KCNH5: variants seen among roughly 807,000 people sequenced by gnomAD.
KCNH5 encodes potassium voltage-gated channel subfamily H member 5.
KCNH5 carries 46 observed loss-of-function variants against 96.1 expected under a neutral mutation model. The observed-to-expected ratio is 0.48, with a 90% confidence interval of 0.38 to 0.61. The LOEUF (loss-of-function observed/expected upper bound fraction) is 0.61, where lower values mean the gene tolerates loss of function less well. KCNH5 is among the 20% of genes least tolerant of loss of function. The pLI is 0.00. For missense variants in KCNH5, 907 were observed against 1,225.8 expected (o/e 0.74, Z 3.88); for synonymous variants, 439 against 449.8 (o/e 0.98, Z 0.30).
At chr14:62,734,476 C>G (rs1885115189) in intron 10 of KCNH5, among the ~76,000 whole-genome samples, 1 of 152,100 alleles carries the variant, frequency 6.6e-6, no homozygotes. Context: ...AGGTCTGCAT[C>G]TCTCCCTAAG....
chr14:62,736,580 C>G (rs955785796), intron 10 of KCNH5, among the ~76,000 whole-genome samples: 7 of 152,068 alleles, frequency 4.6e-5, no homozygotes, highest in Admixed American at 1.3e-4. Flanking sequence ...GATAATGCCC[C>G]GCAGGCCGGA....
At chr14:62,754,992 A>C (rs548200563) in intron 10 of KCNH5, among the ~76,000 whole-genome samples, 3 of 104,506 alleles carry the variant, frequency 2.9e-5, no homozygotes, top group Non-Finnish European at 6.7e-5. Context: ...ATAAGTGCCT[A>C]CATCAAAAAA....
At chr14:62,917,245 C>T (rs1001244404) in intron 7 of KCNH5, among the ~76,000 whole-genome samples, 3 of 151,904 alleles carry the variant, frequency 2.0e-5, no homozygotes, top group Non-Finnish European at 4.4e-5. Context: ...TTTATTTTTA[C>T]GAGACTGAGC....
intron 7 of KCNH5, among the ~76,000 whole-genome samples, chr14:62,865,944 A>AG (rs1888126817): frequency 1.3e-5 from 2 of 152,206 alleles, no homozygotes; most frequent in Non-Finnish European, 2.9e-5. Context: ...GGATCTTTTA[A>AG]AGAGCAATCA....
chr14:62,802,503 C>G lies in KCNH5; in HGVS notation c.1648G>C (p.Ala550Pro). Residue 550 changes from alanine to proline, a missense_variant, in exon 9 of 11, where the codon GCT (alanine) becomes CCT (proline). Ala to Pro is a conservative substitution (Grantham distance 27). Coordinates refer to ENST00000322893, the MANE Select transcript of KCNH5 (RefSeq NM_139318.5). ...CACCCATCGCTGGCCAATCGAAAAG[C>G]AGGATGTTCATTAAAAACCTTCCGG... is the stretch of plus-strand genomic sequence containing the variant. ...LNRKVFNEHP[A>P]FRLASDGCLR... 1 of 1,614,116 alleles carries G rather than the reference C, an allele frequency of 6.2e-7. No homozygotes were observed. Among genetic ancestry groups the G allele is most frequent in the African/African-American group, 1.3e-5 (1 of 75,044 alleles).
At chr14:62,959,191 C>T (rs1410992931) in intron 6 of KCNH5, among the ~76,000 whole-genome samples, 1 of 152,064 alleles carries the variant, frequency 6.6e-6, no homozygotes, top group African/African-American at 2.4e-5. Context: ...CCCCCATTTA[C>T]CCACAACTCG....
intron 10 of KCNH5, among the ~76,000 whole-genome samples, chr14:62,740,517 C>T (rs1036015694): frequency 1.5e-4 from 23 of 152,180 alleles, no homozygotes; most frequent in Non-Finnish European, 2.2e-4. Flanking sequence ...TTTCTTTTCA[C>T]GGCACTCCGA....
chr14:62,743,307 G>A (rs974549597), intron 10 of KCNH5, among the ~76,000 whole-genome samples: 1 of 152,122 alleles, frequency 6.6e-6, no homozygotes, highest in African/African-American at 2.4e-5. Context: ...TAAGTTCCCT[G>A]GGTAATTCTA....
At chr14:62,709,980 AC>A (rs1884533849) in intron 10 of KCNH5, among the ~76,000 whole-genome samples, 1 of 152,194 alleles carries the variant, frequency 6.6e-6, no homozygotes, top group Non-Finnish European at 1.5e-5. Flanking sequence ...CATGTGAAGC[AC>A]GTGTTCTCTA....
At chr14:62,876,710 G>T (rs188734092) in intron 7 of KCNH5, among the ~76,000 whole-genome samples, 79 of 152,182 alleles carry the variant, frequency 5.2e-4, no homozygotes, top group African/African-American at 1.8e-3. Flanking sequence ...AAGACAACAG[G>T]GTATTGCCAT....
intron 10 of KCNH5, among the ~76,000 whole-genome samples, chr14:62,749,762 T>C (rs921862139): frequency 9.8e-5 from 15 of 152,340 alleles, no homozygotes; most frequent in African/African-American, 3.6e-4. Flanking sequence ...GTTTCTGATG[T>C]CTCTTGGCAC....
chr14:62,980,334 C>A (rs192353138), intron 6 of KCNH5, among the ~76,000 whole-genome samples: 1 of 152,128 alleles, frequency 6.6e-6, no homozygotes, highest in Non-Finnish European at 1.5e-5. Context: ...GGCAAAAATT[C>A]AAGAATTGCT....
At chr14:62,835,385 G>A (rs887251871) in intron 8 of KCNH5, among the ~76,000 whole-genome samples, 2 of 151,972 alleles carry the variant, frequency 1.3e-5, no homozygotes, top group African/African-American at 4.8e-5. Context: ...TCTTAAAATT[G>A]TAATGACCCA....
intron 7 of KCNH5, among the ~76,000 whole-genome samples, chr14:62,939,807 G>A (rs1566715415): frequency 6.6e-6 from 1 of 151,994 alleles, no homozygotes; most frequent in Non-Finnish European, 1.5e-5. Context: ...AGACGTGGTG[G>A]TGCATGCCCG....
chr14:63,027,479 GA>G (rs11399195), intron 1 of KCNH5, among the ~76,000 whole-genome samples: 146 of 126,510 alleles, frequency 1.2e-3, no homozygotes, highest in African/African-American at 2.6e-3. Context: ...AAGTTGGTTT[GA>G]AAAAAAAAAA....
chr14:63,002,173 T>C (rs1566536060), intron 3 of KCNH5, among the ~76,000 whole-genome samples: 1 of 152,120 alleles, frequency 6.6e-6, no homozygotes, highest in Non-Finnish European at 1.5e-5. Flanking sequence ...CCTACCTCCC[T>C]CACTTAAACA....
At chr14:62,769,246 T>C (rs1885934204) in intron 10 of KCNH5, among the ~76,000 whole-genome samples, 1 of 152,256 alleles carries the variant, frequency 6.6e-6, no homozygotes, top group Non-Finnish European at 1.5e-5. Context: ...ATGAGTAGCA[T>C]CACTTTGGAA....
chr14:62,779,236 G>A (rs1187327906), intron 10 of KCNH5, among the ~76,000 whole-genome samples: 7 of 152,224 alleles, frequency 4.6e-5, no homozygotes, highest in Admixed American at 6.5e-5. Context: ...CATATTTGTA[G>A]GATGTGTCAA....
At chr14:62,713,514 G>C (rs1234423307) in intron 10 of KCNH5, among the ~76,000 whole-genome samples, 1 of 152,172 alleles carries the variant, frequency 6.6e-6, no homozygotes, top group Non-Finnish European at 1.5e-5. Context: ...TCATTTTCTA[G>C]CTTATGAGAA....
Sources: gnomAD v4.1 joint callset for allele counts (sites outside exome capture counted in the v4.1 genomes callset) on GRCh38, gnomAD v4.1.1 for gene constraint, MANE v1.5 for transcripts, NCBI Gene and HGNC (gene_info 2026-07-23, HGNC 2026-07-21) for gene names.